PTPN3: variants seen among roughly 807,000 people sequenced by gnomAD.
PTPN3 encodes tyrosine-protein phosphatase non-receptor type 3.
PTPN3 carries 96 observed loss-of-function variants against 132.7 expected under a neutral mutation model. The observed-to-expected ratio is 0.72, with a 90% CI of 0.61 to 0.86. The LOEUF (loss-of-function observed/expected upper bound fraction) is 0.86, where lower values mean the gene tolerates loss of function less well. Among genes scored for constraint, PTPN3 ranks in the 40% least tolerant of loss-of-function variants. The pLI, the probability that PTPN3 is intolerant of heterozygous loss-of-function variation, is 0.00. For missense variants in PTPN3, 1,125 were observed against 1,159.6 expected (o/e 0.97, Z 0.43); for synonymous variants, 398 against 429.0 (o/e 0.93, Z 0.89).
chr9:109,383,166 C>G (rs1395005972), intron 23 of PTPN3: 2 of 542,368 alleles, frequency 3.7e-6, no homozygotes, highest in East Asian at 6.7e-5. Context: ...GAATCATATT[C>G]CATTGTATGG....
intron 1 of PTPN3, among the ~76,000 whole-genome samples, chr9:109,468,633 TG>T (rs1846221937): frequency 1.3e-5 from 2 of 152,244 alleles, no homozygotes; most frequent in African/African-American, 4.8e-5. Flanking sequence ...CCCAAAGTGC[TG>T]GGATTACAGG....
chr9:109,526,689 C>T, the PTPN3 span, among the ~76,000 whole-genome samples: 131,073 of 152,034 alleles, frequency 0.86, 56,576 homozygotes, highest in South Asian at 0.94. Flanking sequence ...AATAAATAAA[C>T]AAAATTTATG....
chr9:109,420,435 G>A lies in PTPN3; in HGVS notation c.1302C>T (p.Ser434=), dbSNP rs1842812162. Reference sequence around the variant, plus strand: ...CACGAGTTTCTTACTCTTGGTGCGGGCTTCGGTTCTGAGAAACTTCAGAAT... The same window carrying A: ...CACGAGTTTCTTACTCTTGGTGCGGACTTCGGTTCTGAGAAACTTCAGAAT... ...DSDSEVSQNR[S]PHQESLSENN... Residue 434 remains serine (S), a synonymous_variant, in exon 14 of 26, where the codon AGC becomes AGT. Coordinates refer to ENST00000374541, the MANE Select transcript of PTPN3 (RefSeq NM_002829.4). 2 of 1,596,888 alleles carry A rather than the reference G, an allele frequency of 1.3e-6. No individual in the cohort carries two copies. Among genetic ancestry groups the A allele is most frequent in the Non-Finnish European group, 1.7e-6 (2 of 1,168,064 alleles).
At chr9:109,406,762 T>C in intron 17 of PTPN3, 144 bp from the exon 18 acceptor site, 2 of 939,326 alleles carry the variant, frequency 2.1e-6, no homozygotes, top group Non-Finnish European at 3.3e-6. Context: ...ATTATTTGTA[T>C]AATGCATCCA....
chr9:109,450,903 T>C, intron 5 of PTPN3: 2 of 985,408 alleles, frequency 2.0e-6, no homozygotes, highest in South Asian at 4.7e-5. Context: ...ACCACCTCTA[T>C]ACATCTTCTT....
chr9:109,498,702 T>G (rs1231615426), upstream of PTPN3, among the ~76,000 whole-genome samples: 1 of 152,196 alleles, frequency 6.6e-6, no homozygotes, highest in Non-Finnish European at 1.5e-5. This position sits in a 1 kb window ranked among gnomAD's most constrained non-coding sequence, Gnocchi z 4.2. Flanking sequence ...TTGGCACTAG[T>G]AAGCTTCCCT....
intron 5 of PTPN3, 104 bp downstream of exon 5, chr9:109,454,392 A>G: frequency 1.0e-6 from 1 of 954,034 alleles, no homozygotes. Flanking sequence ...GTGTAGTTAC[A>G]CCCAAATGAA....
At chr9:109,434,287 C>T (rs927525735) in intron 9 of PTPN3, among the ~76,000 whole-genome samples, 80 of 150,276 alleles carry the variant, frequency 5.3e-4, no homozygotes, top group African/African-American at 1.9e-3. Flanking sequence ...GGACTACAGG[C>T]ATGTGCCACC....
At chr9:109,503,221 T>C (rs1847881364), upstream of PTPN3, among the ~76,000 whole-genome samples, 1 of 152,082 alleles carries the variant, frequency 6.6e-6, no homozygotes, top group Non-Finnish European at 1.5e-5. Context: ...TCACCAGGCA[T>C]GGTGAATGAC....
the PTPN3 span, among the ~76,000 whole-genome samples, chr9:109,514,446 G>A: frequency 1.3e-5 from 2 of 152,160 alleles, no homozygotes; most frequent in African/African-American, 2.4e-5. Context: ...AGAAGAAGTG[G>A]CGAGGGGGTT....
At chr9:109,419,956 A>C (rs1219162441) in intron 14 of PTPN3, among the ~76,000 whole-genome samples, 1 of 152,232 alleles carries the variant, frequency 6.6e-6, no homozygotes, top group Non-Finnish European at 1.5e-5. Flanking sequence ...TATACTAACT[A>C]TTAATTGAAA....
chr9:109,414,100 G>C (rs1842291018), intron 14 of PTPN3, among the ~76,000 whole-genome samples: 2 of 152,186 alleles, frequency 1.3e-5, no homozygotes, highest in African/African-American at 4.8e-5. Context: ...GAAATGCTGA[G>C]TGAATGAAGA....
At position 109,457,345 on chromosome 9, in the gene PTPN3, T is replaced by G. The variant is rs559268858; in HGVS notation, c.193A>C (p.Thr65Pro). The G allele has an allele frequency of 1.9e-6, 3 of 1,614,218 alleles. No homozygotes were observed. The highest frequency in any genetic ancestry group is 2.5e-6 in the Non-Finnish European group (3 of 1,180,038). Residue 65 changes from threonine (T) to proline (P), a missense_variant, in exon 3 of 26, where the codon ACT becomes CCT. Transcript: ENST00000374541. ...TGTAAACCAAAATATTCCTTTTCAG[T>G]CACACCCAGGTGGTTGTGCACCATA... ...LDMVHNHLGV[T>P]EKEYFGLQHD...
intron 5 of PTPN3, chr9:109,449,815 T>C (rs574974832): frequency 5.1e-6 from 5 of 985,354 alleles, no homozygotes; most frequent in Non-Finnish European, 6.0e-6. Flanking sequence ...TTGAAACAAA[T>C]CAGTTTCATT....
At chr9:109,408,741 C>T (rs1211801496) in intron 16 of PTPN3, among the ~76,000 whole-genome samples, 1 of 145,390 alleles carries the variant, frequency 6.9e-6, no homozygotes, top group African/African-American at 2.6e-5. Context: ...CTAGAACAAA[C>T]CTGCACGTTG....
At chr9:109,398,612 T>C (rs1453978140) in intron 19 of PTPN3, among the ~76,000 whole-genome samples, 6 of 152,168 alleles carry the variant, frequency 3.9e-5, no homozygotes, top group Non-Finnish European at 8.8e-5. Flanking sequence ...ATCCATCAAC[T>C]GGGGGATGCA....
At chr9:109,445,971 C>T (rs1470545703) in intron 6 of PTPN3, among the ~76,000 whole-genome samples, 2 of 152,196 alleles carry the variant, frequency 1.3e-5, no homozygotes, top group Admixed American at 6.5e-5. Flanking sequence ...AAACTCACTG[C>T]TTTCCCAGGT....
chr9:109,431,346 TCA>T (rs1187047309), intron 10 of PTPN3, among the ~76,000 whole-genome samples: 1 of 152,218 alleles, frequency 6.6e-6, no homozygotes, highest in Non-Finnish European at 1.5e-5. Context: ...GGAGGTTTGG[TCA>T]CAGTTAGGCT....
At chr9:109,537,751 T>G in the PTPN3 span, among the ~76,000 whole-genome samples, 1 of 152,224 alleles carries the variant, frequency 6.6e-6, no homozygotes, top group African/African-American at 2.4e-5. Context: ...CAATTCCTTA[T>G]GTCCACTGAA....
Sources: allele counts gnomAD v4.1 joint callset (sites outside exome capture counted in the v4.1 genomes callset), GRCh38; gene constraint gnomAD v4.1.1; non-coding constraint Gnocchi (gnomAD v3.1); transcripts MANE v1.5; gene names NCBI Gene and HGNC (gene_info 2026-07-23, HGNC 2026-07-21).